The following WNK3 variants were observed in gnomAD, a reference collection of about 807,000 sequenced individuals.
WNK3 encodes the protein WNK lysine deficient protein kinase 3, also known as serine/threonine-protein kinase WNK3.
In WNK3, 18 loss-of-function variants were observed where a neutral mutation model predicts 116.7. That is an observed-to-expected ratio of 0.15 (90% CI 0.11 to 0.23). The LOEUF (loss-of-function observed/expected upper bound fraction) is 0.23. Among genes scored for constraint, WNK3 ranks in the 10% least tolerant of loss-of-function variants. WNK3 has a pLI of 1.00. For missense variants in WNK3, 993 were observed against 1,323.8 expected, an observed-to-expected ratio of 0.75 and a Z score of 3.88; for synonymous variants, 404 against 469.4, an observed-to-expected ratio of 0.86 and a Z score of 1.80.
chrX:54,339,900 C>T (rs2069296142), intron 1 of WNK3, among the ~76,000 whole-genome samples: 1 of 111,608 alleles, frequency 9.0e-6, no homozygotes, highest in Admixed American at 9.7e-5. Flanking sequence ...TGGCTCACGC[C>T]TCTGTTTGGG....
intron 22 of WNK3, among the ~76,000 whole-genome samples, chrX:54,224,755 T>G (rs367769927): frequency 1.5e-4 from 17 of 109,740 alleles, no homozygotes; most frequent in African/African-American, 4.6e-4. Flanking sequence ...ATTTTTAGTA[T>G]AGATGGGGTT....
At chrX:54,303,096 A>C (rs1018876616) in intron 5 of WNK3, among the ~76,000 whole-genome samples, 10 of 107,490 alleles carry the variant, frequency 9.3e-5, no homozygotes, top group African/African-American at 3.4e-4. Flanking sequence ...TCAGTCTTCT[A>C]GAATGGCTAG....
chrX:54,315,300 C>T (rs2068939885), intron 2 of WNK3, among the ~76,000 whole-genome samples: 1 of 86,812 alleles, frequency 1.2e-5, no homozygotes, highest in Non-Finnish European at 2.2e-5. Flanking sequence ...GAGACCTTGT[C>T]TCAAAAAAAA....
chrX:54,285,585 G>C (rs1557163738), intron 10 of WNK3, among the ~76,000 whole-genome samples: 1 of 112,055 alleles, frequency 8.9e-6, no homozygotes, highest in Non-Finnish European at 1.9e-5. Flanking sequence ...ATGTTTATTG[G>C]AACACAGCCG....
At chrX:54,294,900 C>CTTT in intron 7 of WNK3, 53 bp from the exon 8 acceptor site, 40 of 898,974 alleles carry the variant, frequency 4.4e-5, no homozygotes, top group Non-Finnish European at 5.3e-5. Flanking sequence ...AAGATTTTAA[C>CTTT]TTTTTTTTTT....
chrX:54,299,966 T>C (rs1200043651), intron 6 of WNK3, among the ~76,000 whole-genome samples: 2 of 110,416 alleles, frequency 1.8e-5, no homozygotes, highest in Non-Finnish European at 3.8e-5. Flanking sequence ...TTCGAGCAAT[T>C]CTCCTGCCTC....
chrX:54,344,899 G>A (rs2069390057), intron 1 of WNK3, among the ~76,000 whole-genome samples: 2 of 97,425 alleles, frequency 2.1e-5, no homozygotes, highest in South Asian at 5.0e-4. Flanking sequence ...AGCGGAGATC[G>A]TGCCACTGCA....
At chrX:54,314,337 C>T (rs1412901679) in intron 2 of WNK3, among the ~76,000 whole-genome samples, 4 of 111,233 alleles carry the variant, frequency 3.6e-5, no homozygotes, top group Non-Finnish European at 7.5e-5. Flanking sequence ...TTTAACTCTA[C>T]CTGACAATCT....
At chrX:54,251,756 G>C in intron 13 of WNK3, 69 bp from the exon 14 acceptor site, 1 of 1,048,245 alleles carries the variant, frequency 9.5e-7, no homozygotes, top group South Asian at 2.4e-5. Context: ...TATATAAATA[G>C]TGACTATCAC....
At chrX:54,275,437 G>C (rs1409990328) in intron 10 of WNK3, among the ~76,000 whole-genome samples, 2 of 101,719 alleles carry the variant, frequency 2.0e-5, no homozygotes, top group African/African-American at 7.2e-5. Flanking sequence ...GTGTGTGTGT[G>C]TGTGTGTGTG....
At position 54,304,937 on chromosome X, in the gene WNK3, G is replaced by A. The variant is rs1251088450; in HGVS notation, c.1089+2985C>T. Among the ~76,000 whole-genome samples, 3 of 110,854 alleles carry A rather than the reference G, an allele frequency of 2.7e-5. No individual in the cohort carries two copies. The East Asian group carries it at 8.5e-4, about 31-fold the overall frequency. On this transcript the variant is annotated intron_variant, in intron 5 of 23. Transcript: ENST00000354646. ...AGATCACCCGAGGTCAGGAGTTTGA[G>A]ACCAGCCTGGCCAGCATAGCAAAAC...
intron 2 of WNK3, among the ~76,000 whole-genome samples, chrX:54,329,494 C>T (rs1057455134): frequency 1.1e-4 from 12 of 110,317 alleles, no homozygotes; most frequent in African/African-American, 4.0e-4. Context: ...AAAAATTAGC[C>T]GGGCATGGTG....
intron 7 of WNK3, among the ~76,000 whole-genome samples, chrX:54,296,593 T>C (rs1173547258): frequency 9.0e-6 from 1 of 111,156 alleles, no homozygotes; most frequent in Non-Finnish European, 1.9e-5. Context: ...GTGATAGTTG[T>C]GTACCAGATG....
At chrX:54,356,913 T>A (rs1372821465) in intron 1 of WNK3, among the ~76,000 whole-genome samples, 1 of 106,086 alleles carries the variant, frequency 9.4e-6, no homozygotes, top group African/African-American at 3.4e-5. Context: ...CACTTTTAAC[T>A]AGTCAAACAA....
At chrX:54,309,677 C>T (rs2068864446) in intron 3 of WNK3, among the ~76,000 whole-genome samples, 1 of 111,438 alleles carries the variant, frequency 9.0e-6, no homozygotes, top group Non-Finnish European at 1.9e-5. Flanking sequence ...GGACTACAGG[C>T]ATGCACCACC....
Position 54,251,527 on chromosome X carries a change from C to T in WNK3, c.2523+5G>A. The T allele has an allele frequency of 8.3e-7, 1 of 1,208,852 alleles. No homozygotes were observed. On this transcript the variant is annotated splice_donor_5th_base_variant and intron_variant, in intron 14 of 23. Transcript: ENST00000354646. ...AAGATCTGTTTGCTAAACAATTGTT[C>T]TCACCTGGCTACTGTTGGAGTCCAC...
At chrX:54,280,337 T>G (rs1199047086) in intron 10 of WNK3, among the ~76,000 whole-genome samples, 1 of 110,562 alleles carries the variant, frequency 9.0e-6, no homozygotes, top group Admixed American at 9.7e-5. Flanking sequence ...AAATTAAAAC[T>G]ATCTCTAGTC....
intron 5 of WNK3, among the ~76,000 whole-genome samples, chrX:54,303,404 G>A (rs980972669): frequency 9.0e-5 from 10 of 110,893 alleles, no homozygotes; most frequent in Non-Finnish European, 1.7e-4. Flanking sequence ...ACCCAAGTAA[G>A]ATCATTGCAG....
intron 7 of WNK3, among the ~76,000 whole-genome samples, chrX:54,295,468 G>C: frequency 9.0e-6 from 1 of 111,317 alleles, no homozygotes. Flanking sequence ...GGATTAAAAA[G>C]GTTTCCTCAT....
Sources: allele counts gnomAD v4.1 joint callset (sites outside exome capture counted in the v4.1 genomes callset), GRCh38; gene constraint gnomAD v4.1.1; transcripts MANE v1.5; gene names NCBI Gene and HGNC (gene_info 2026-07-23, HGNC 2026-07-21).